Variants in RNLS observed in about 807,000 individuals in gnomAD.
The protein encoded by RNLS is renalase.
Under a neutral mutation model 39.8 loss-of-function variants are expected in RNLS, and 39 were observed. That is an observed-to-expected ratio of 0.98 (90% confidence interval 0.76 to 1.28). The LOEUF (loss-of-function observed/expected upper bound fraction) is 1.28, where lower values mean the gene tolerates loss of function less well. Ranked by LOEUF, RNLS falls within the 50% of genes most tolerant of loss-of-function variation. The pLI is 0.00. For synonymous variants in RNLS, 147 were observed against 150.7 expected (o/e 0.98, Z 0.18); for missense variants, 410 against 413.3 (o/e 0.99, Z 0.07).
At chr10:88,405,160 A>G (rs1467015848) in intron 4 of RNLS, among the ~76,000 whole-genome samples, 1 of 152,040 alleles carries the variant, frequency 6.6e-6, no homozygotes, top group Non-Finnish European at 1.5e-5. Flanking sequence ...GGATAACCAA[A>G]TGTTGCATAT....
In RNLS at chr10:88,355,964, C is replaced by T. The variant is rs961916390; in HGVS notation, c.700+6588G>A. On this transcript the variant is annotated intron_variant, in intron 5 of 6. Coordinates refer to ENST00000331772, the MANE Select transcript of RNLS (RefSeq NM_001031709.3). ...TGCCTTGCAGTTCGATCTCAGACTG[C>T]TGTGCTGGCAACGAGAGATGAGCAA... is the stretch of plus-strand genomic sequence containing the variant. 2.6e-5 allele frequency among the ~76,000 whole-genome samples: 4 copies of T among 152,344 alleles called. No individual in the cohort carries two copies. In the South Asian group the frequency reaches 6.2e-4, roughly 24 times the overall value.
At chr10:88,499,674 C>A (rs191443944) in intron 4 of RNLS, among the ~76,000 whole-genome samples, 1 of 152,124 alleles carries the variant, frequency 6.6e-6, no homozygotes, top group Non-Finnish European at 1.5e-5. Flanking sequence ...TCGAAGTGAA[C>A]CCCAGAAGTG....
chr10:88,231,303 A>G, the RNLS span, among the ~76,000 whole-genome samples: 8 of 152,220 alleles, frequency 5.3e-5, no homozygotes, highest in African/African-American at 1.7e-4. Flanking sequence ...GCACAGAGGA[A>G]AAACCCACGT....
chr10:88,309,297 AAAAG>A lies in RNLS; in HGVS notation c.876+5165_876+5168del, dbSNP rs1451685695. 4.7e-5 allele frequency: 39 copies of A among 825,426 alleles called. No homozygotes were observed. In the Admixed American group the frequency reaches 1.2e-3, roughly 26 times the overall value. 51.1% of individuals were successfully genotyped at this position (825,426 alleles called of 1,614,324 possible). Reference sequence around the variant, plus strand: ...TAAAAGTTAAAAAATAAGGAAAAGAAAAAGAAAATGCATGGGAAAAAGCAAGAAA... The same window carrying A: ...TAAAAGTTAAAAAATAAGGAAAAGAAAAAATGCATGGGAAAAAGCAAGAAA... On this transcript the variant is annotated intron_variant, in intron 6 of 6. Transcript: ENST00000331772.
At chr10:88,228,511 G>A in the RNLS span, among the ~76,000 whole-genome samples, 4 of 152,110 alleles carry the variant, frequency 2.6e-5, no homozygotes, top group East Asian at 5.8e-4. Context: ...ACCATTTTCC[G>A]TGTGCCTGGA....
chr10:88,404,988 G>A (rs1853169227), intron 4 of RNLS, among the ~76,000 whole-genome samples: 1 of 151,978 alleles, frequency 6.6e-6, no homozygotes, highest in African/African-American at 2.4e-5. Context: ...TAGTCAGCTG[G>A]GTAGTATCTG....
chr10:88,403,181 A>C (rs981411148), intron 4 of RNLS, among the ~76,000 whole-genome samples: 1 of 152,082 alleles, frequency 6.6e-6, no homozygotes, highest in Non-Finnish European at 1.5e-5. Flanking sequence ...GAGAAAAAAA[A>C]CCTGTAGAAT....
intron 5 of RNLS, among the ~76,000 whole-genome samples, chr10:88,346,171 A>G (rs1848286640): frequency 1.3e-5 from 2 of 152,146 alleles, no homozygotes. Context: ...TCTAAGTTAA[A>G]TATCTCAGCT....
intron 4 of RNLS, among the ~76,000 whole-genome samples, chr10:88,525,364 T>C (rs1038849095): frequency 6.6e-6 from 1 of 152,116 alleles, no homozygotes; most frequent in Non-Finnish European, 1.5e-5. Context: ...ATGAAATAGT[T>C]CAGATGAAAG....
chr10:88,507,750 ATATT>A (rs1313090901), intron 4 of RNLS, among the ~76,000 whole-genome samples: 2 of 152,182 alleles, frequency 1.3e-5, no homozygotes, highest in Admixed American at 1.3e-4. Context: ...ATCATAATGA[ATATT>A]TAATTTCAAT....
intron 6 of RNLS, among the ~76,000 whole-genome samples, chr10:88,289,533 CAT>C (rs1209506085): frequency 6.6e-6 from 1 of 152,098 alleles, no homozygotes; most frequent in Non-Finnish European, 1.5e-5. Flanking sequence ...GCCTTTTCAG[CAT>C]GTTATTTCTA....
intron 4 of RNLS, among the ~76,000 whole-genome samples, chr10:88,541,133 A>G (rs913245966): frequency 1.3e-5 from 2 of 152,188 alleles, no homozygotes; most frequent in African/African-American, 4.8e-5. Flanking sequence ...TCTGTTATAT[A>G]GAAAGGAAAG....
chr10:88,201,694 C>CAAAAAA, the RNLS span, among the ~76,000 whole-genome samples: 1 of 147,144 alleles, frequency 6.8e-6, no homozygotes. Context: ...AATTGTGAGC[C>CAAAAAA]AAAAAAAAAA....
At chr10:88,574,710 G>A (rs1478436495) in intron 3 of RNLS, among the ~76,000 whole-genome samples, 2 of 152,196 alleles carry the variant, frequency 1.3e-5, no homozygotes, top group African/African-American at 2.4e-5. Context: ...TCAAGACAGT[G>A]TGCATCATTC....
chr10:88,313,481 A>G (rs1054131176), intron 6 of RNLS, among the ~76,000 whole-genome samples: 4 of 152,242 alleles, frequency 2.6e-5, no homozygotes, highest in African/African-American at 9.6e-5. Flanking sequence ...GACATGCTTA[A>G]GTAAATATTT....
chr10:88,468,589 T>A (rs994002516), intron 4 of RNLS, among the ~76,000 whole-genome samples: 1 of 152,182 alleles, frequency 6.6e-6, no homozygotes, highest in Non-Finnish European at 1.5e-5. Context: ...TACTGGGACT[T>A]TGAAAGCTAT....
chr10:88,415,763 C>T (rs571159573), intron 4 of RNLS, among the ~76,000 whole-genome samples: 8 of 152,314 alleles, frequency 5.3e-5, no homozygotes, highest in African/African-American at 1.9e-4. Flanking sequence ...AGCCATCACA[C>T]TGTAAAGCCT....
chr10:88,406,024 T>C (rs937798896), intron 4 of RNLS, among the ~76,000 whole-genome samples: 3 of 152,028 alleles, frequency 2.0e-5, no homozygotes, highest in Non-Finnish European at 4.4e-5. Flanking sequence ...TGATAATTGT[T>C]TTGTTTGAGG....
At chr10:88,548,473 T>A (rs888300551) in intron 4 of RNLS, among the ~76,000 whole-genome samples, 1 of 148,268 alleles carries the variant, frequency 6.7e-6, no homozygotes, top group Non-Finnish European at 1.5e-5. Context: ...ACCCTATCTC[T>A]ACTAAAAATA....
Sources: gnomAD v4.1 joint callset for allele counts (sites outside exome capture counted in the v4.1 genomes callset) on GRCh38, gnomAD v4.1.1 for gene constraint, MANE v1.5 for transcripts, NCBI Gene and HGNC (gene_info 2026-07-23, HGNC 2026-07-21) for gene names.